MPRIP: variants seen among roughly 807,000 people sequenced by gnomAD.
MPRIP encodes the protein myosin phosphatase Rho-interacting protein.
A neutral mutation model predicts 234.9 loss-of-function variants in MPRIP; 59 were observed. The observed-to-expected ratio is 0.25, with a 90% confidence interval of 0.20 to 0.31. The LOEUF (loss-of-function observed/expected upper bound fraction) is 0.31. MPRIP is among the 10% of genes least tolerant of loss of function. MPRIP has a pLI of 1.00. For synonymous variants in MPRIP, 1,144 were observed against 1,263.9 expected (o/e 0.91, Z 2.01); for missense variants, 2,436 against 3,071.0 (o/e 0.79, Z 4.89).
chr17:17,139,037 C>CT (rs1387630714), intron 7 of MPRIP, among the ~76,000 whole-genome samples: 2 of 152,206 alleles, frequency 1.3e-5, no homozygotes, highest in Non-Finnish European at 2.9e-5. Flanking sequence ...TTTTTGCCCT[C>CT]TAAGACTTTG....
Position 17,138,164 on chromosome 17 carries a change from A to G in MPRIP, c.985A>G (p.Ile329Val). 3 of 1,212,198 alleles carry G rather than the reference A, an allele frequency of 2.5e-6. No individual in the cohort carries two copies. Among genetic ancestry groups the G allele is most frequent in the Non-Finnish European group, 3.4e-6 (3 of 871,480 alleles). 75.1% of individuals were successfully genotyped at this position (1,212,198 alleles called of 1,614,324 possible). ...ACTCCCCCACCAAATGGTCTGCAGC[A>G]TCTCCCTCAGCTCCCTGGATGTGGC... ...PRLPHQMVCS[I>V]SLSSLDVASQ... Residue 329 changes from isoleucine to valine, a missense_variant, in exon 7 of 24, where the codon ATC becomes GTC. By Grantham distance (29) the Ile-to-Val change is conservative (BLOSUM62 3). Coordinates refer to ENST00000651222, the MANE Select transcript of MPRIP (RefSeq NM_001364716.4). The surrounding 1 kb of genome is among the most constrained non-coding windows in gnomAD (Gnocchi z 5.8).
At chr17:17,065,065 C>G (rs535495530) in intron 1 of MPRIP, among the ~76,000 whole-genome samples, 26 of 152,252 alleles carry the variant, frequency 1.7e-4, no homozygotes, top group African/African-American at 5.3e-4. Context: ...AACACCTCTT[C>G]ATGCTATTTA....
chr17:17,157,480 G>A (rs2045754127), intron 13 of MPRIP, among the ~76,000 whole-genome samples: 1 of 152,176 alleles, frequency 6.6e-6, no homozygotes, highest in Non-Finnish European at 1.5e-5. Flanking sequence ...CTCACCCTTA[G>A]GAGGTCCCAG....
At chr17:17,059,937 C>G (rs2088821538) in intron 1 of MPRIP, among the ~76,000 whole-genome samples, 1 of 152,154 alleles carries the variant, frequency 6.6e-6, no homozygotes, top group South Asian at 2.1e-4. Flanking sequence ...CCAATTAAGA[C>G]AATAAATTAC....
chr17:17,170,414 C>T (rs886356619), intron 16 of MPRIP, among the ~76,000 whole-genome samples: 9 of 152,016 alleles, frequency 5.9e-5, no homozygotes, highest in African/African-American at 1.2e-4. Context: ...GGGGATGGGA[C>T]GCCTAGTTAA....
chr17:17,152,758 G>A (rs902527170), intron 12 of MPRIP, among the ~76,000 whole-genome samples: 1 of 152,202 alleles, frequency 6.6e-6, no homozygotes, highest in Non-Finnish European at 1.5e-5. Flanking sequence ...CATGTCTGGC[G>A]GGACATGCAG....
At chr17:17,045,367 G>T (rs1336351569) in intron 1 of MPRIP, among the ~76,000 whole-genome samples, 1 of 152,202 alleles carries the variant, frequency 6.6e-6, no homozygotes, top group Non-Finnish European at 1.5e-5. Context: ...GAGAGGCACA[G>T]AAACCTCTTG....
chr17:17,142,239 T>TG, intron 7 of MPRIP: 1 of 169,474 alleles, frequency 5.9e-6, no homozygotes, highest in Non-Finnish European at 1.3e-5. Flanking sequence ...AATTTTGGGG[T>TG]GGGGGGTGCA....
At chr17:17,135,835 C>T (rs928729610) in intron 5 of MPRIP, among the ~76,000 whole-genome samples, 5 of 152,244 alleles carry the variant, frequency 3.3e-5, no homozygotes, top group African/African-American at 7.2e-5. Context: ...CTTCACATAG[C>T]GTCTGGGCAC....
intron 22 of MPRIP, among the ~76,000 whole-genome samples, chr17:17,178,911 C>T (rs1301863556): frequency 2.6e-5 from 4 of 151,356 alleles, no homozygotes; most frequent in African/African-American, 9.7e-5. Context: ...AGAATGAGAC[C>T]CTGCCTCAAA....
chr17:17,085,730 G>A (rs2089574724), intron 3 of MPRIP, among the ~76,000 whole-genome samples: 1 of 152,202 alleles, frequency 6.6e-6, no homozygotes, highest in Admixed American at 6.5e-5. Context: ...AGCTAACACG[G>A]TGAAACCCCA....
chr17:17,107,731 G>T (rs530196593), intron 3 of MPRIP, among the ~76,000 whole-genome samples: 3 of 152,344 alleles, frequency 2.0e-5, no homozygotes, highest in Non-Finnish European at 2.9e-5. Flanking sequence ...AGAGATTCCT[G>T]TTGTGCATTG....
At chr17:17,070,553 C>T (rs565691774) in intron 1 of MPRIP, among the ~76,000 whole-genome samples, 36 of 152,270 alleles carry the variant, frequency 2.4e-4, no homozygotes, top group Non-Finnish European at 3.1e-4. Context: ...TAAGCCCACC[C>T]GGGAGCTTTT....
At chr17:17,065,890 G>C (rs1479855854) in intron 1 of MPRIP, among the ~76,000 whole-genome samples, 1 of 152,094 alleles carries the variant, frequency 6.6e-6, no homozygotes, top group East Asian at 1.9e-4. Flanking sequence ...ATACACCTAA[G>C]TATTTCTTTT....
In MPRIP at chr17:17,164,165, A is replaced by G. The variant is rs748395945; in HGVS notation, c.2574A>G (p.Gln858=). The change falls in exon 16 of 24, where the codon CAA becomes CAG. Residue 858 remains glutamine (Q), a synonymous_variant. Coordinates refer to ENST00000651222, the MANE Select transcript of MPRIP (RefSeq NM_001364716.4). ...GGCAGAGGCTCCATAGAGTCAACCAAGACCTTCAAAGTGAGCTTGAAGCCC... is the reference window on the plus strand; with the variant it reads ...GGCAGAGGCTCCATAGAGTCAACCAGGACCTTCAAAGTGAGCTTGAAGCCC... ...GAWQRLHRVN[Q]DLQSELEAQC... 32 of 1,304,208 alleles carry G rather than the reference A, an allele frequency of 2.5e-5. No homozygotes were observed. The highest frequency in any genetic ancestry group is 2.1e-4 in the Middle Eastern group (1 of 4,720). 80.8% of individuals were successfully genotyped at this position (1,304,208 alleles called of 1,614,324 possible). A position where few individuals can be genotyped will look rare whatever the true frequency, so the allele number is the denominator to read the frequency against.
intron 1 of MPRIP, among the ~76,000 whole-genome samples, chr17:17,070,593 G>T (rs1160274134): frequency 6.6e-6 from 1 of 152,084 alleles, no homozygotes; most frequent in Admixed American, 6.6e-5. Flanking sequence ...TCAATTTCAG[G>T]ATTTTTGTTT....
intron 1 of MPRIP, chr17:17,057,865 G>T (rs562231233): frequency 6.6e-5 from 39 of 592,404 alleles, no homozygotes; most frequent in Non-Finnish European, 1.0e-4. Flanking sequence ...TTTTTTAATA[G>T]AATGCAATAT....
chr17:17,147,537 A>C (rs1036323118), intron 11 of MPRIP, 150 bp downstream of exon 11: 2 of 726,822 alleles, frequency 2.8e-6, no homozygotes, highest in Admixed American at 2.2e-5. Flanking sequence ...AGGTATGTCC[A>C]TGTTGCCCTC....
At chr17:17,180,817 A>G in intron 23 of MPRIP, 2 of 816,072 alleles carry the variant, frequency 2.5e-6, no homozygotes, top group South Asian at 3.2e-5. Flanking sequence ...TGGGGAGTTA[A>G]TTGGCACTCT....
Sources: gnomAD v4.1 joint callset for allele counts (sites outside exome capture counted in the v4.1 genomes callset) on GRCh38, gnomAD v4.1.1 for gene constraint, Gnocchi (gnomAD v3.1) non-coding constraint, MANE v1.5 for transcripts, NCBI Gene and HGNC (gene_info 2026-07-23, HGNC 2026-07-21) for gene names.